Variants in BTBD1 observed in about 807,000 individuals in gnomAD.
The protein encoded by BTBD1 is BTB domain containing 1, also known as BTB/POZ domain-containing protein 1.
BTBD1 carries 34 observed loss-of-function variants against 48.0 expected under a neutral mutation model. The ratio of observed to expected loss-of-function variants is 0.71; its 90% CI spans 0.54 to 0.94. The LOEUF is 0.94. Ranked by LOEUF, BTBD1 falls within the 40% of genes least tolerant of loss-of-function variation. BTBD1 has a pLI of 0.00. For synonymous variants in BTBD1, 261 were observed against 242.1 expected, an observed-to-expected ratio of 1.08 and a Z score of -0.72; for missense variants, 543 against 625.6, an observed-to-expected ratio of 0.87 and a Z score of 1.41.
chr15:83,039,960 A>G (rs1353852826), intron 4 of BTBD1, among the ~76,000 whole-genome samples: 2 of 151,110 alleles, frequency 1.3e-5, no homozygotes, highest in Non-Finnish European at 2.9e-5. Context: ...GGTGCCCATC[A>G]GTGGTAGACT....
Position 83,034,267 on chromosome 15 carries a change from A to G in BTBD1, c.863-3939T>C, listed in dbSNP as rs1431044494. ...ATGTAAGGCTAAAAGTAAAAGGATG[A>G]GAAAGATATAGAATTTAAAAAACCT... is the stretch of plus-strand genomic sequence containing the variant. On this transcript the variant is annotated intron_variant, in intron 4 of 7. Coordinates refer to ENST00000261721, the MANE Select transcript of BTBD1 (RefSeq NM_025238.4). Among the ~76,000 whole-genome samples, 3 of 152,308 alleles carry G rather than the reference A, an allele frequency of 2.0e-5. No homozygotes were observed. In the East Asian group the frequency reaches 5.8e-4, roughly 29 times the overall value.
chr15:83,063,272 TCA>T (rs1413474938), intron 1 of BTBD1, among the ~76,000 whole-genome samples: 1 of 152,324 alleles, frequency 6.6e-6, no homozygotes, highest in Middle Eastern at 3.4e-3. Flanking sequence ...CTAGGTAATC[TCA>T]CTTGATCTCT....
At chr15:83,025,689 T>C (rs1402605672) in intron 5 of BTBD1, among the ~76,000 whole-genome samples, 2 of 152,160 alleles carry the variant, frequency 1.3e-5, no homozygotes, top group Non-Finnish European at 2.9e-5. Context: ...ATACTCAAAA[T>C]ATTTAATGAT....
chr15:83,041,908 A>T lies in BTBD1; in HGVS notation c.682T>A (p.Leu228Ile), dbSNP rs377376432. The T allele has an allele frequency of 6.2e-7, 1 of 1,614,014 alleles. No homozygotes were observed. Among genetic ancestry groups the T allele is most frequent in the Non-Finnish European group, 8.5e-7 (1 of 1,180,014 alleles). Residue 228 changes from leucine to isoleucine, a missense_variant, in exon 4 of 8, where the codon TTA becomes ATA. Physicochemically the swap from Leu to Ile is conservative, Grantham distance 5. This residue lies in a region of BTBD1 where 300 missense variants were observed against 350.0 expected (regional missense o/e 0.86). Transcript: ENST00000261721. The stretch of plus-strand genomic sequence containing the variant: ...CGAATACTGAGTGTGTCTCTCTCTA[A>T]AACTGCACAGAGTGTATCTATAGGC... ...DIDIDTLCAV[L>I]ERDTLSIRES...
chr15:83,048,269 A>C (rs1360295161), intron 3 of BTBD1, among the ~76,000 whole-genome samples: 1 of 152,216 alleles, frequency 6.6e-6, no homozygotes, highest in Non-Finnish European at 1.5e-5. Flanking sequence ...GGAACAGAAG[A>C]GTCCTCACAG....
intron 2 of BTBD1, among the ~76,000 whole-genome samples, chr15:83,054,427 G>C (rs573754747): frequency 7.2e-5 from 11 of 152,268 alleles, no homozygotes; most frequent in African/African-American, 2.6e-4. Context: ...TATATGTAAA[G>C]GGGATAGCTT....
intron 1 of BTBD1, among the ~76,000 whole-genome samples, chr15:83,060,937 G>C (rs1241747673): frequency 6.6e-6 from 1 of 152,184 alleles, no homozygotes; most frequent in Non-Finnish European, 1.5e-5. Context: ...TTTATTGAGG[G>C]ACTATATAGC....
At chr15:83,063,243 TCA>T (rs1314426351) in intron 1 of BTBD1, among the ~76,000 whole-genome samples, 3 of 152,218 alleles carry the variant, frequency 2.0e-5, no homozygotes, top group Admixed American at 1.3e-4. Context: ...GTACCTCTCT[TCA>T]CAGTCTACAT....
intron 4 of BTBD1, among the ~76,000 whole-genome samples, chr15:83,040,596 A>C (rs1264191466): frequency 6.8e-6 from 1 of 147,454 alleles, no homozygotes; most frequent in East Asian, 2.1e-4. Context: ...GCTACTCAGG[A>C]GGCTGAGGTG....
At position 83,030,291 on chromosome 15, in the gene BTBD1, C is replaced by G. The variant is rs372203136; in HGVS notation, c.900G>C (p.Val300=). 1 of 1,613,860 alleles carries G rather than the reference C, an allele frequency of 6.2e-7. No individual in the cohort carries two copies. Among genetic ancestry groups the G allele is most frequent in the Non-Finnish European group, 8.5e-7 (1 of 1,179,976 alleles). Residue 300 remains valine, a synonymous_variant, in exon 5 of 8, where the codon GTG becomes GTC. Transcript: ENST00000261721. ...CAGTAAAATGAAGAAAGAGGTTTAC[C>G]ACTTCACGATCTGACAAAATTCCAG... is the stretch of plus-strand genomic sequence containing the variant. The part of the protein sequence containing the change: ...AQSGILSDRE[V]VNLFLHFTVN...
chr15:83,051,875 T>TACACACACACACACACACAC (rs1187803458), intron 2 of BTBD1, among the ~76,000 whole-genome samples: 1,206 of 43,584 alleles, frequency 0.028, 13 homozygotes, highest in African/African-American at 0.041. Context: ...TTTCCATATA[T>TACACACACACACACACACAC]ATACACACAC....
intron 5 of BTBD1, chr15:83,029,814 G>T (rs1323178076): frequency 3.8e-6 from 1 of 264,316 alleles, no homozygotes; most frequent in Non-Finnish European, 7.2e-6. Flanking sequence ...AGGTTGCAGT[G>T]TGAGAGATCC....
At chr15:83,047,103 G>T (rs986819154) in intron 3 of BTBD1, among the ~76,000 whole-genome samples, 5 of 152,178 alleles carry the variant, frequency 3.3e-5, no homozygotes, top group African/African-American at 1.2e-4. Context: ...TTGTACACGA[G>T]ACAAAGTCCC....
chr15:83,025,357 C>CAAAAAAA (rs767479917), intron 5 of BTBD1, among the ~76,000 whole-genome samples: 1,569 of 64,150 alleles, frequency 0.024, 65 homozygotes, highest in Middle Eastern at 0.057. Flanking sequence ...GACTCCATCA[C>CAAAAAAA]AAAAAAAAAA....
At chr15:83,056,747 G>A (rs1377841499) in intron 1 of BTBD1, among the ~76,000 whole-genome samples, 6 of 132,396 alleles carry the variant, frequency 4.5e-5, no homozygotes, top group East Asian at 2.4e-4. Context: ...GGTCTTGATC[G>A]ATTCCAGGCT....
At chr15:83,045,622 C>T (rs1372255822) in intron 3 of BTBD1, among the ~76,000 whole-genome samples, 1 of 152,172 alleles carries the variant, frequency 6.6e-6, no homozygotes, top group African/African-American at 2.4e-5. Context: ...GTCCCAAGAA[C>T]ACAGGAGAGG....
rs748054895 is a variant in BTBD1, at chr15:83,041,853, C to A, written c.737G>T (p.Arg246Leu). Reference protein sequence around the residue: ...RESRLFGAVVRWAEAECQRQQ... With the variant: ...RESRLFGAVVLWAEAECQRQQ... ...TCTCTGACATTCTGCTTCTGCCCAG[C>A]GTACAACAGCTCCAAAAAGTCGACT... The change falls in exon 4 of 8, where the codon CGC (arginine) becomes CTC (leucine). Residue 246 changes from arginine to leucine, a missense_variant. By Grantham distance (102) the Arg-to-Leu change is moderately radical. This residue lies in a region of BTBD1 where 300 missense variants were observed against 350.0 expected (regional missense o/e 0.86). Coordinates refer to ENST00000261721, the MANE Select transcript of BTBD1 (RefSeq NM_025238.4). 13 of 1,614,028 alleles carry A rather than the reference C, an allele frequency of 8.1e-6. No individual in the cohort carries two copies. The highest frequency in any genetic ancestry group is 1.3e-5 in the African/African-American group (1 of 74,912).
intron 1 of BTBD1, among the ~76,000 whole-genome samples, chr15:83,064,696 G>A (rs1249066023): frequency 1.2e-5 from 1 of 85,206 alleles, no homozygotes; most frequent in Non-Finnish European, 2.6e-5. Context: ...GGTATATAAT[G>A]AGGATGAGAT....
At chr15:83,024,255 C>T (rs1456648662) in intron 5 of BTBD1, 2 of 152,174 alleles carry the variant, frequency 1.3e-5, no homozygotes, top group Admixed American at 6.5e-5. Flanking sequence ...ATACCCAACT[C>T]ATGTTCTTTT....
Sources: gnomAD v4.1 joint callset for allele counts (sites outside exome capture counted in the v4.1 genomes callset) on GRCh38, gnomAD v4.1.1 for gene constraint, gnomAD v4.1.1 regional missense constraint, MANE v1.5 for transcripts, NCBI Gene and HGNC (gene_info 2026-07-23, HGNC 2026-07-21) for gene names.